ATAD3B: variants seen among roughly 807,000 people sequenced by gnomAD.
The protein encoded by ATAD3B is ATPase family AAA domain-containing protein 3B.
ATAD3B carries 59 observed loss-of-function variants against 70.2 expected under a neutral mutation model. That is an observed-to-expected ratio of 0.84 (90% CI 0.68 to 1.04). The LOEUF is 1.04. Among genes scored for constraint, ATAD3B ranks in the 50% least tolerant of loss-of-function variants. The pLI, the probability that ATAD3B is intolerant of heterozygous loss-of-function variation, is 0.00. For synonymous variants in ATAD3B, 423 were observed against 388.6 expected, an observed-to-expected ratio of 1.09 and a Z score of -1.04; for missense variants, 961 against 913.4, an observed-to-expected ratio of 1.05 and a Z score of -0.67.
chr1:1,478,995 C>G, intron 3 of ATAD3B, 54 bp from the exon 4 acceptor site: 1 of 873,664 alleles, frequency 1.1e-6, no homozygotes, highest in East Asian at 2.9e-5. Flanking sequence ...GCCCAGTCGG[C>G]CCAGACTGCA....
downstream of ATAD3B, among the ~76,000 whole-genome samples, chr1:1,499,147 A>G (rs929986987): frequency 2.0e-5 from 3 of 149,318 alleles, no homozygotes; most frequent in African/African-American, 7.5e-5. Flanking sequence ...AATTTTTTGT[A>G]TTTTTAGTAG....
chr1:1,477,208 C>A, intron 1 of ATAD3B, 66 bp from the exon 2 acceptor site: 1 of 1,588,800 alleles, frequency 6.3e-7, no homozygotes, highest in Non-Finnish European at 8.6e-7. Flanking sequence ...TTGGGTTTCA[C>A]CATGTTGGCC....
chr1:1,494,500 G>C (rs2100602455), intron 15 of ATAD3B, among the ~76,000 whole-genome samples: 1 of 151,356 alleles, frequency 6.6e-6, no homozygotes, highest in African/African-American at 2.4e-5. Flanking sequence ...GCTCTGGTCA[G>C]TGTCTCCTGC....
Position 1,472,099 on chromosome 1 carries a change from G to C in ATAD3B, c.205+10G>C. On this transcript the variant is annotated intron_variant, in intron 1 of 15. Coordinates refer to ENST00000673477, the MANE Select transcript of ATAD3B (RefSeq NM_031921.6). ...GAGCTGGAGCACTCGCGTGAGTGCG[G>C]CGGGGCGGGGCGGGGCGGGCGGGCG... 2.7e-6 allele frequency: 3 copies of C among 1,110,590 alleles called. No individual in the cohort carries two copies. The highest frequency in any genetic ancestry group is 3.1e-6 in the Non-Finnish European group (3 of 957,966). The allele number at this position is 1,110,590 out of a possible 1,614,324, so 68.8% of individuals were successfully genotyped here. A position where few individuals can be genotyped will look rare whatever the true frequency, so the allele number is the denominator to read the frequency against.
chr1:1,487,731 AG>A, intron 11 of ATAD3B, 131 bp from the exon 12 acceptor site: 1 of 1,140,856 alleles, frequency 8.8e-7, no homozygotes, highest in Non-Finnish European at 1.3e-6. Flanking sequence ...TCCAGGACTT[AG>A]GGCTCCTGAT....
At chr1:1,481,050 G>A in intron 5 of ATAD3B, 114 bp downstream of exon 5, 1 of 1,510,694 alleles carries the variant, frequency 6.6e-7, no homozygotes, top group South Asian at 1.2e-5. Context: ...CCAGTGCAGT[G>A]GGCGAGGCCT....
rs368278464 is a variant in ATAD3B at position 1,495,538 on chromosome 1, C to T, written c.1668C>T (p.Ala556=). The T allele has an allele frequency of 1.9e-5, 30 of 1,612,748 alleles. No individual in the cohort carries two copies. The African/African-American group carries it at 3.5e-4, about 19-fold the overall frequency. The part of the protein sequence containing the change: ...DGVLTEAMMD[A]CVQDAVQQYR... ...TCCTCACTGAGGCCATGATGGACGC[C>T]TGTGTGCAAGATGCTGTCCAGCAGT... is the stretch of plus-strand genomic sequence containing the variant. Residue 556 remains alanine, a synonymous_variant, in exon 16 of 16, where the codon GCC becomes GCT. Coordinates refer to ENST00000673477, the MANE Select transcript of ATAD3B (RefSeq NM_031921.6).
chr1:1,501,191 C>T (rs1380944790), downstream of ATAD3B, among the ~76,000 whole-genome samples: 10 of 151,936 alleles, frequency 6.6e-5, no homozygotes, highest in East Asian at 1.9e-4. Context: ...TGAGTTTAAG[C>T]GATTCTCCTG....
At chr1:1,491,443 A>G (rs987856981) in intron 15 of ATAD3B, among the ~76,000 whole-genome samples, 3 of 151,944 alleles carry the variant, frequency 2.0e-5, no homozygotes, top group African/African-American at 7.2e-5. Context: ...AGGCAGAAGA[A>G]TTGCTTGACC....
In ATAD3B at chr1:1,497,149, G is replaced by T. The variant is rs960924324; in HGVS notation, c.*1332G>T. On this transcript the variant is annotated 3_prime_UTR_variant, in exon 16 of 16. Coordinates refer to ENST00000673477, the MANE Select transcript of ATAD3B (RefSeq NM_031921.6). ...CCTCGGAGCTGCAGTGCTTGGAGGG[G>T]GGCGGTCTACCTCTGCTCGCTCTCT... 6.6e-6 allele frequency: 1 copy of T among 151,620 alleles called. No homozygotes were observed. The highest frequency in any genetic ancestry group is 1.5e-5 in the Non-Finnish European group (1 of 68,018). The allele number at this position is 151,620 out of a possible 1,614,324, so 9.4% of individuals were successfully genotyped here. A position where few individuals can be genotyped will look rare whatever the true frequency, so the allele number is the denominator to read the frequency against.
the ATAD3B span, among the ~76,000 whole-genome samples, chr1:1,508,206 A>G: frequency 7.3e-5 from 11 of 150,618 alleles, no homozygotes; most frequent in East Asian, 5.8e-4. Flanking sequence ...GTACGGCTCC[A>G]GTCAGTGTCT....
chr1:1,486,363 C>G, intron 10 of ATAD3B, 128 bp downstream of exon 10: 17 of 1,583,628 alleles, frequency 1.1e-5, no homozygotes, highest in Non-Finnish European at 1.5e-5. Context: ...CGTGTAGGCT[C>G]AGGGTGCTGG....
chr1:1,509,442 G>T, the ATAD3B span: 130 of 1,595,388 alleles, frequency 8.1e-5, no homozygotes, highest in South Asian at 2.4e-4. Context: ...AATACTCCCC[G>T]TAATAAAGTC....
downstream of ATAD3B, among the ~76,000 whole-genome samples, chr1:1,499,129 G>A (rs1347964249): frequency 1.3e-5 from 2 of 151,744 alleles, no homozygotes; most frequent in Admixed American, 6.6e-5. Flanking sequence ...CCGCCACCAC[G>A]CCCAGCTAAT....
chr1:1,482,274 G>A lies in ATAD3B; in HGVS notation c.651G>A (p.Glu217=). 1 of 1,610,582 alleles carries A rather than the reference G, an allele frequency of 6.2e-7. No homozygotes were observed. The highest frequency in any genetic ancestry group is 8.5e-7 in the Non-Finnish European group (1 of 1,179,236). ...IREQIRLKAS[E]HRQTVLESIR... ...AGCAGATCCGCCTGAAGGCGTCCGAGCACCGTCAGACCGTCTTGGAGTCCA... is the reference window on the plus strand; with the variant it reads ...AGCAGATCCGCCTGAAGGCGTCCGAACACCGTCAGACCGTCTTGGAGTCCA... The change falls in exon 6 of 16, where the codon GAG becomes GAA. Residue 217 remains glutamate (E), a synonymous_variant. Transcript: ENST00000673477.
rs141015036 is a variant in ATAD3B, at chr1:1,495,794, C to G, written c.1924C>G (p.Pro642Ala). ...MSCGGGRPFCPPGHPLL is the reference protein window; with the variant it reads ...MSCGGGRPFCAPGHPLL ...TTGTGGTGGCGGTCGGCCGTTCTGC[C>G]CCCCAGGGCACCCCCTGTTGTAGGC... The change falls in exon 16 of 16, where the codon CCC (proline) becomes GCC (alanine). Residue 642 changes from proline (P) to alanine (A), a missense_variant. By Grantham distance (27) the Pro-to-Ala change is conservative. Coordinates refer to ENST00000673477, the MANE Select transcript of ATAD3B (RefSeq NM_031921.6). 1 of 1,591,948 alleles carries G rather than the reference C, an allele frequency of 6.3e-7. No homozygotes were observed. The highest frequency in any genetic ancestry group is 8.6e-7 in the Non-Finnish European group (1 of 1,168,318).
intron 2 of ATAD3B, among the ~76,000 whole-genome samples, chr1:1,477,589 A>G (rs1316862697): frequency 1.3e-5 from 2 of 151,014 alleles, no homozygotes; most frequent in Non-Finnish European, 3.0e-5. Flanking sequence ...GTCCTGAGGG[A>G]GGGCCGGTGT....
At chr1:1,493,984 TA>T (rs1328521370) in intron 15 of ATAD3B, among the ~76,000 whole-genome samples, 2 of 151,984 alleles carry the variant, frequency 1.3e-5, no homozygotes, top group African/African-American at 2.4e-5. Flanking sequence ...TGAGGAGTGG[TA>T]CTGATTCTTC....
chr1:1,473,961 C>G (rs1255590415), intron 1 of ATAD3B, among the ~76,000 whole-genome samples: 1 of 151,978 alleles, frequency 6.6e-6, no homozygotes, highest in Non-Finnish European at 1.5e-5. Flanking sequence ...GTTTCTGGCC[C>G]CGGCTGGGTC....
Sources: allele counts gnomAD v4.1 joint callset (sites outside exome capture counted in the v4.1 genomes callset), GRCh38; gene constraint gnomAD v4.1.1; transcripts MANE v1.5; gene names NCBI Gene and HGNC (gene_info 2026-07-23, HGNC 2026-07-21).